OSMR: variants seen among roughly 807,000 people sequenced by gnomAD.
The protein encoded by OSMR is oncostatin-M-specific receptor subunit beta.
OSMR carries 81 observed loss-of-function variants against 99.9 expected under a neutral mutation model. The observed-to-expected ratio is 0.81, with a 90% CI of 0.68 to 0.97. OSMR has a LOEUF of 0.97. Among genes scored for constraint, OSMR ranks in the 50% least tolerant of loss-of-function variants. The pLI is 0.00. For missense variants in OSMR, 1,099 were observed against 1,153.4 expected, an observed-to-expected ratio of 0.95 and a Z score of 0.68; for synonymous variants, 406 against 410.4, an observed-to-expected ratio of 0.99 and a Z score of 0.13.
At chr5:38,898,950 C>CTTTTTTTTTTTTTTTT (rs58159819) in intron 7 of OSMR, among the ~76,000 whole-genome samples, 5 of 78,286 alleles carry the variant, frequency 6.4e-5, no homozygotes, top group African/African-American at 1.3e-4. Context: ...TACATAATAT[C>CTTTTTTTTTTTTTTTT]TTTTTTTTTT....
intron 1 of OSMR, chr5:38,940,710 G>C (rs979055506): frequency 8.6e-6 from 2 of 232,690 alleles, no homozygotes; most frequent in Non-Finnish European, 1.7e-5. Flanking sequence ...TCAAAGAGGT[G>C]TTATGAAGTG....
At chr5:38,927,831 G>A (rs1473278291) in intron 15 of OSMR, among the ~76,000 whole-genome samples, 1 of 152,142 alleles carries the variant, frequency 6.6e-6, no homozygotes, top group African/African-American at 2.4e-5. Context: ...AGTATTGCAT[G>A]ATCAGGTTGC....
chr5:38,943,089 T>G lies in OSMR; in HGVS notation c.75-1112T>G, dbSNP rs144659002. The G allele has an allele frequency of 2.1e-4, 126 of 606,232 alleles. 2 individuals carry two copies. In the South Asian group the frequency reaches 3.1e-3, roughly 15 times the overall value. 37.6% of individuals were successfully genotyped at this position (606,232 alleles called of 1,614,324 possible). On this transcript the variant is annotated intron_variant and NMD_transcript_variant, in intron 1 of 2. Transcript: ENST00000508882. ...TACAGATATGGATTAGATGGCATAC[T>G]TGGGGTGATGACTTGAGAATATAAA...
Position 38,944,213 on chromosome 5 carries a change from G to A in OSMR, c.88G>A (p.Val30Ile), listed in dbSNP as rs1416202970. ...ACATTTTTTGCAGATCTCTTCAAAA[G>A]TCTGGCTTAATAGAAGATAGCTGGA... The change falls in exon 2 of 3, where the codon GTC becomes ATC. Residue 30 changes from valine to isoleucine, a missense_variant and NMD_transcript_variant. Physicochemically the swap from Val to Ile is conservative, Grantham distance 29. Transcript: ENST00000508882. 6.7e-6 allele frequency: 4 copies of A among 598,840 alleles called. No individual in the cohort carries two copies. The Admixed American group carries it at 8.5e-5, about 13-fold the overall frequency. 37.1% of individuals were successfully genotyped at this position (598,840 alleles called of 1,614,324 possible).
rs1353066506 is a variant in OSMR, at chr5:38,883,847, G to A, written c.439G>A (p.Asp147Asn). The A allele has an allele frequency of 1.9e-6, 3 of 1,612,938 alleles. No individual in the cohort carries two copies. The highest frequency in any genetic ancestry group is 1.7e-6 in the Non-Finnish European group (2 of 1,180,000). ...TGCAGTACAAGATTCTACTGGACAG[G>A]ATATATTGTTCGTTTTCCCTAAAGA... ...EVSVQDSTGQ[D>N]ILFVFPKDKL... is the part of the protein sequence containing the mutation. The change falls in exon 5 of 18, where the codon GAT becomes AAT. Residue 147 changes from aspartate to asparagine, a missense_variant. Physicochemically the swap from Asp to Asn is conservative, Grantham distance 23 (BLOSUM62 1). Transcript: ENST00000274276.
Position 38,932,864 on chromosome 5 carries a change from C to T in OSMR, c.2368-8C>T, listed in dbSNP as rs779416118. The T allele has an allele frequency of 1.2e-6, 2 of 1,613,700 alleles. No individual in the cohort carries two copies. The highest frequency in any genetic ancestry group is 2.2e-5 in the South Asian group (2 of 91,068). Reference sequence around the variant, plus strand: ...GTCTATATTTACATATTTTTGTTTCCTTTCTAGGAGAACCCTCACCTAATA... The same window carrying T: ...GTCTATATTTACATATTTTTGTTTCTTTTCTAGGAGAACCCTCACCTAATA... On this transcript the variant is annotated splice_region_variant and splice_polypyrimidine_tract_variant and intron_variant, in intron 17 of 17. Transcript: ENST00000274276.
chr5:38,912,089 A>T (rs897537759), intron 9 of OSMR, among the ~76,000 whole-genome samples: 9 of 152,146 alleles, frequency 5.9e-5, no homozygotes, highest in Non-Finnish European at 1.2e-4. Flanking sequence ...AAAGAAAAAA[A>T]AAAGCATCCA....
intron 9 of OSMR, among the ~76,000 whole-genome samples, chr5:38,913,200 C>A (rs1745692956): frequency 1.3e-5 from 2 of 152,072 alleles, no homozygotes; most frequent in Admixed American, 6.6e-5. Flanking sequence ...TAATATCCAG[C>A]ATCTATAAGG....
At chr5:38,942,691 A>G (rs1747718870) in intron 1 of OSMR, 2 of 630,682 alleles carry the variant, frequency 3.2e-6, no homozygotes, top group Non-Finnish European at 5.4e-6. Flanking sequence ...CCTGGGCTCA[A>G]GCAATTCTCC....
chr5:38,913,549 CAAAAAA>C (rs528979345), intron 9 of OSMR, among the ~76,000 whole-genome samples: 1 of 123,644 alleles, frequency 8.1e-6, no homozygotes. Flanking sequence ...GACTCCATCT[CAAAAAA>C]AAAAAAAAAA....
rs376480316 is a variant in OSMR at position 38,850,451 on chromosome 5, G to A, written c.-14+4064G>A. Among the ~76,000 whole-genome samples the A allele has an allele frequency of 1.5e-3, 232 of 152,194 alleles. 10 individuals carry two copies. In the South Asian group the frequency reaches 0.046, roughly 30 times the overall value. ...TAAAAGAAAGAGGGTTGGTGAGATC[G>A]CTAAATAGAATACCTAGCTCTGTTC... is the stretch of plus-strand genomic sequence containing the variant. On this transcript the variant is annotated intron_variant, in intron 1 of 17. Transcript: ENST00000274276.
At chr5:38,932,006 GAA>G in intron 16 of OSMR, 42 bp downstream of exon 16, 1 of 1,372,506 alleles carries the variant, frequency 7.3e-7, no homozygotes, top group Non-Finnish European at 1.0e-6. Context: ...GAGAGTAAGA[GAA>G]AAGTCTGGAA....
chr5:38,893,266 A>G (rs763557485), intron 7 of OSMR, among the ~76,000 whole-genome samples: 27 of 152,254 alleles, frequency 1.8e-4, no homozygotes, highest in South Asian at 4.1e-4. Flanking sequence ...AGGAAAAAGC[A>G]TAAGAATTCT....
Position 38,931,939 on chromosome 5 carries a change from G to A in OSMR, c.2269G>A (p.Val757Ile), listed in dbSNP as rs770218987. 2 of 1,613,336 alleles carry A rather than the reference G, an allele frequency of 1.2e-6. No individual in the cohort carries two copies. Among genetic ancestry groups the A allele is most frequent in the Admixed American group, 3.3e-5 (2 of 60,004 alleles). The change falls in exon 16 of 18, where the codon GTC becomes ATC. Residue 757 changes from valine to isoleucine, a missense_variant. Val to Ile is a conservative substitution (Grantham distance 29, BLOSUM62 3). Transcript: ENST00000274276. ...GGTTTTCTGCGTCTTGCTCATCATG[G>A]TCATGTGCTACTTGAAAAGTCAGTG... Reference protein sequence around the residue: ...PMVFCVLLIMVMCYLKSQWIK... With the variant: ...PMVFCVLLIMIMCYLKSQWIK...
At chr5:38,901,914 A>G (rs1579744883) in intron 7 of OSMR, among the ~76,000 whole-genome samples, 1 of 152,198 alleles carries the variant, frequency 6.6e-6, no homozygotes, top group East Asian at 1.9e-4. Context: ...GAGGCCTACC[A>G]GCTGCTGGGC....
At chr5:38,945,421 A>G, downstream of OSMR, 1 of 1,074,390 alleles carries the variant, frequency 9.3e-7, no homozygotes, top group Non-Finnish European at 1.4e-6. Flanking sequence ...CCAAAAAGAA[A>G]TTTGGAAAAG....
intron 15 of OSMR, among the ~76,000 whole-genome samples, chr5:38,927,113 A>T (rs1746507190): frequency 6.6e-6 from 1 of 152,194 alleles, no homozygotes; most frequent in African/African-American, 2.4e-5. Flanking sequence ...GTGGTCTTGG[A>T]CAGTTCCACC....
intron 9 of OSMR, among the ~76,000 whole-genome samples, chr5:38,907,462 A>C (rs1745318755): frequency 6.6e-6 from 1 of 152,194 alleles, no homozygotes; most frequent in African/African-American, 2.4e-5. Context: ...AAATCCCCCA[A>C]GCCTTGCCTT....
chr5:38,890,846 C>T (rs1018755760), intron 7 of OSMR, among the ~76,000 whole-genome samples: 6 of 151,904 alleles, frequency 3.9e-5, no homozygotes, highest in Non-Finnish European at 5.9e-5. Context: ...AGCCTGGGGA[C>T]GTTGAATGAT....
Sources: gnomAD v4.1 joint callset for allele counts (sites outside exome capture counted in the v4.1 genomes callset) on GRCh38, gnomAD v4.1.1 for gene constraint, MANE v1.5 for transcripts, NCBI Gene and HGNC (gene_info 2026-07-23, HGNC 2026-07-21) for gene names.